DLG2: variants seen among roughly 807,000 people sequenced by gnomAD.
DLG2 encodes the protein disks large homolog 2.
A neutral mutation model predicts 132.5 loss-of-function variants in DLG2; 45 were observed. The ratio of observed to expected loss-of-function variants is 0.34; its 90% CI spans 0.27 to 0.44. The LOEUF (loss-of-function observed/expected upper bound fraction) is 0.44. Ranked by LOEUF, DLG2 falls within the 20% of genes least tolerant of loss-of-function variation. The pLI is 1.00. For synonymous variants in DLG2, 424 were observed against 419.6 expected (o/e 1.01, Z -0.13); for missense variants, 1,045 against 1,196.9 (o/e 0.87, Z 1.87).
chr11:85,183,954 A>G (rs1348412609), intron 4 of DLG2, among the ~76,000 whole-genome samples: 1 of 151,972 alleles, frequency 6.6e-6, no homozygotes, highest in Admixed American at 6.6e-5. Context: ...TTAAATTCCT[A>G]CCAAAAAATC....
intron 18 of DLG2, among the ~76,000 whole-genome samples, chr11:83,743,613 C>G (rs2030654583): frequency 6.6e-6 from 1 of 151,578 alleles, no homozygotes; most frequent in Non-Finnish European, 1.5e-5. Flanking sequence ...TTTGCATTTT[C>G]TGTAGAGATG....
chr11:84,654,911 G>A (rs1364517440), intron 6 of DLG2, among the ~76,000 whole-genome samples: 1 of 152,106 alleles, frequency 6.6e-6, no homozygotes, highest in East Asian at 1.9e-4. Context: ...GTCCTCAGCA[G>A]ACCACCTGTC....
At chr11:83,844,236 A>G (rs140494424) in intron 16 of DLG2, among the ~76,000 whole-genome samples, 1 of 152,242 alleles carries the variant, frequency 6.6e-6, no homozygotes, top group African/African-American at 2.4e-5. Flanking sequence ...ATTTTGGCTC[A>G]TAGGGTAAAA....
At chr11:85,459,463 T>C (rs186140737) in intron 3 of DLG2, among the ~76,000 whole-genome samples, 1 of 152,112 alleles carries the variant, frequency 6.6e-6, no homozygotes, top group Admixed American at 6.5e-5. Flanking sequence ...ACCATTGCTG[T>C]GGCAGTGGCA....
intron 6 of DLG2, among the ~76,000 whole-genome samples, chr11:84,932,354 C>G (rs2048193646): frequency 6.6e-6 from 1 of 152,150 alleles, no homozygotes; most frequent in Non-Finnish European, 1.5e-5. Context: ...CCAGTTAGCA[C>G]CATTATTTAC....
rs2080512974 is a variant in DLG2, at chr11:84,840,663, TA to T, written c.357+270997del. Among the ~76,000 whole-genome samples the T allele has an allele frequency of 4.6e-5, 7 of 151,922 alleles. No homozygotes were observed. The South Asian group carries it at 1.2e-3, about 27-fold the overall frequency. On this transcript the variant is annotated intron_variant, in intron 6 of 27. Coordinates refer to ENST00000376104, the MANE Select transcript of DLG2 (RefSeq NM_001142699.3). Reference sequence around the variant, plus strand: ...ACACCATGGAATACTATGCAGCCATTAAAAAGGATGAGTTTATGTCCTTTGT... The same window carrying T: ...ACACCATGGAATACTATGCAGCCATTAAAAGGATGAGTTTATGTCCTTTGT...
At chr11:84,903,492 A>G (rs777726887) in intron 6 of DLG2, among the ~76,000 whole-genome samples, 1 of 152,154 alleles carries the variant, frequency 6.6e-6, no homozygotes, top group Non-Finnish European at 1.5e-5. Context: ...CCTTAAGAAT[A>G]TAAGCTACTC....
intron 6 of DLG2, among the ~76,000 whole-genome samples, chr11:84,600,604 C>T (rs1448544285): frequency 6.6e-6 from 1 of 152,032 alleles, no homozygotes; most frequent in Admixed American, 6.6e-5. Flanking sequence ...TTTAACATAC[C>T]TTGTTTATTT....
chr11:83,504,082 T>TAAAAA (rs2094577404), intron 21 of DLG2, among the ~76,000 whole-genome samples: 1 of 152,116 alleles, frequency 6.6e-6, no homozygotes, highest in African/African-American at 2.4e-5. Context: ...GGAAATAAAA[T>TAAAAA]GAAGATATTT....
chr11:85,256,067 C>T (rs949689807), intron 4 of DLG2, among the ~76,000 whole-genome samples: 2 of 152,162 alleles, frequency 1.3e-5, no homozygotes, highest in African/African-American at 4.8e-5. Context: ...AACCTCCAGG[C>T]CTGGAAACCT....
At chr11:84,618,392 A>C (rs1416079749) in intron 6 of DLG2, among the ~76,000 whole-genome samples, 1 of 152,086 alleles carries the variant, frequency 6.6e-6, no homozygotes, top group Non-Finnish European at 1.5e-5. Flanking sequence ...ATAATACGTC[A>C]ATGGTTTTAA....
At chr11:84,532,145 G>A (rs1412586816) in intron 7 of DLG2, among the ~76,000 whole-genome samples, 1 of 59,646 alleles carries the variant, frequency 1.7e-5, no homozygotes, top group African/African-American at 6.1e-5. Context: ...TTTTTTTACT[G>A]TAACCGGGCT....
At chr11:84,010,458 A>T (rs2094825820) in intron 11 of DLG2, among the ~76,000 whole-genome samples, 1 of 151,610 alleles carries the variant, frequency 6.6e-6, no homozygotes, top group Admixed American at 6.6e-5. Context: ...ACCCCAGCCA[A>T]TTTTTTTATT....
At chr11:84,215,317 T>C (rs1237002183) in intron 8 of DLG2, among the ~76,000 whole-genome samples, 1 of 152,210 alleles carries the variant, frequency 6.6e-6, no homozygotes, top group East Asian at 1.9e-4. Flanking sequence ...TCCAGAAATC[T>C]AGTAAAATAT....
In DLG2 at chr11:85,421,664, T is replaced by C. The variant is rs547583230; in HGVS notation, c.41-136299A>G. Among the ~76,000 whole-genome samples the C allele has an allele frequency of 6.6e-5, 10 of 152,208 alleles. 1 individual carries two copies. The highest frequency in any genetic ancestry group is 2.4e-4 in the African/African-American group (10 of 41,534). ...GAGGATTTAGGTCATTTACATTCAA[T>C]GTTAGTCTTGAAATGTGAGGTACCA... On this transcript the variant is annotated intron_variant, in intron 3 of 27. Transcript: ENST00000376104.
In DLG2 at chr11:85,458,962, G is replaced by C. The variant is rs116442537; in HGVS notation, c.40+139695C>G. On this transcript the variant is annotated intron_variant, in intron 3 of 27. Coordinates refer to ENST00000376104, the MANE Select transcript of DLG2 (RefSeq NM_001142699.3). ...TTGCCTCTTGGGGTTCCAACCCAGA[G>C]AGATGTGGACCCATTATTAATCAGT... 5.4e-3 allele frequency among the ~76,000 whole-genome samples: 819 copies of C among 152,282 alleles called. 10 individuals are homozygous for C. Among genetic ancestry groups the C allele is most frequent in the African/African-American group, 0.019 (797 of 41,560 alleles).
At chr11:83,668,719 ATATAAACACATATATATGTG>A (rs2076213321) in intron 18 of DLG2, among the ~76,000 whole-genome samples, 3 of 78,450 alleles carry the variant, frequency 3.8e-5, no homozygotes, top group Non-Finnish European at 6.9e-5. Context: ...ATATATGTGT[ATATAAACACATATATATGTG>A]TATATAAACA....
At chr11:84,279,979 G>A (rs1197805202) in intron 7 of DLG2, among the ~76,000 whole-genome samples, 2 of 152,162 alleles carry the variant, frequency 1.3e-5, no homozygotes, top group Non-Finnish European at 2.9e-5. Flanking sequence ...GACAAGATAA[G>A]TACGTCCCTT....
intron 18 of DLG2, among the ~76,000 whole-genome samples, chr11:83,690,019 T>C (rs1489801633): frequency 6.9e-6 from 1 of 145,628 alleles, no homozygotes; most frequent in Admixed American, 7.0e-5. Context: ...TAATATTTAA[T>C]AAATATTTAT....
Sources: gnomAD v4.1 joint callset for allele counts (sites outside exome capture counted in the v4.1 genomes callset) on GRCh38, gnomAD v4.1.1 for gene constraint, MANE v1.5 for transcripts, NCBI Gene and HGNC (gene_info 2026-07-23, HGNC 2026-07-21) for gene names.